Variants in RIOX1 observed in about 807,000 individuals in gnomAD.
RIOX1 encodes 60S ribosomal protein L8 histidine hydroxylase.
RIOX1 carries 33 observed loss-of-function variants against 44.6 expected under a neutral mutation model. The observed-to-expected ratio is 0.74, with a 90% confidence interval of 0.56 to 0.99. RIOX1 has a LOEUF of 0.99. Among genes scored for constraint, RIOX1 ranks in the 50% least tolerant of loss-of-function variants. The pLI, the probability that RIOX1 is intolerant of heterozygous loss-of-function variation, is 0.00. For synonymous variants in RIOX1, 387 were observed against 395.8 expected, an observed-to-expected ratio of 0.98 and a Z score of 0.26; for missense variants, 821 against 871.7, an observed-to-expected ratio of 0.94 and a Z score of 0.73.
rs1211954311 is a variant in RIOX1, at chr14:73,493,070, A to G, written c.*127A>G. The G allele has an allele frequency of 3.1e-6, 5 of 1,593,894 alleles. No individual in the cohort carries two copies. Among genetic ancestry groups the G allele is most frequent in the Non-Finnish European group, 4.2e-6 (5 of 1,176,628 alleles). ...CATCAGTGTGCTCACATTTACCTTT[A>G]TCACTGCTTCAGTGTCACAAACCTC... On this transcript the variant is annotated 3_prime_UTR_variant, in exon 1 of 1. Transcript: ENST00000304061.
rs1885810914 is a variant in RIOX1 at position 73,492,149 on chromosome 14, A to T, written c.1132A>T (p.Ser378Cys). Residue 378 changes from serine to cysteine, a missense_variant, in exon 1 of 1, where the codon AGT becomes TGT. By Grantham distance (112) the Ser-to-Cys change is moderately radical. Transcript: ENST00000304061. This position sits in a 1 kb window ranked among gnomAD's most constrained non-coding sequence, Gnocchi z 4.9. ...ELALTSSPNF[S>C]QDDLGEPVLQ... ...GGCTCTGACATCCAGCCCCAACTTC[A>T]GTCAGGACGACCTCGGTGAGCCGGT... 1 of 1,613,956 alleles carries T rather than the reference A, an allele frequency of 6.2e-7. No homozygotes were observed. Among genetic ancestry groups the T allele is most frequent in the Non-Finnish European group, 8.5e-7 (1 of 1,179,886 alleles).
rs1336124912 is a variant in RIOX1, at chr14:73,492,234, A to T, written c.1217A>T (p.Gln406Leu). ...TATTTTCCTCGGGGCTTCATTCACC[A>T]AGCTGAATGCCAGGATGGAGTCCAC... ...LLYFPRGFIHQAECQDGVHSL... is the reference protein window; with the variant it reads ...LLYFPRGFIHLAECQDGVHSL... Residue 406 changes from glutamine (Q) to leucine (L), a missense_variant, in exon 1 of 1, where the codon CAA becomes CTA. This residue lies in a region of RIOX1 where 267 missense variants were observed against 340.5 expected (regional missense o/e 0.78). Transcript: ENST00000304061. This position sits in a 1 kb window ranked among gnomAD's most constrained non-coding sequence, Gnocchi z 4.9. The T allele has an allele frequency of 6.2e-7, 1 of 1,613,968 alleles. No homozygotes were observed. Among genetic ancestry groups the T allele is most frequent in the Admixed American group, 1.7e-5 (1 of 60,018 alleles).
At position 73,492,634 on chromosome 14, in the gene RIOX1, G is replaced by C; in HGVS notation, c.1617G>C (p.Gly539=). Residue 539 remains glycine (G), a synonymous_variant, in exon 1 of 1, where the codon GGG becomes GGC. Coordinates refer to ENST00000304061, the MANE Select transcript of RIOX1 (RefSeq NM_024644.5). The surrounding 1 kb of genome is among the most constrained non-coding windows in gnomAD (Gnocchi z 4.9). ...RWEAGEPVNV[G]AQLTTETEVH... ...AGGCTGGAGAACCTGTAAACGTGGG[G>C]GCCCAGTTGACAACAGAAACAGAAG... 6.2e-7 allele frequency: 1 copy of C among 1,613,988 alleles called. No individual in the cohort carries two copies.
Position 73,492,361 on chromosome 14 carries a change from G to C in RIOX1, c.1344G>C (p.Val448=), listed in dbSNP as rs553099723. The C allele has an allele frequency of 6.2e-7, 1 of 1,613,910 alleles. No individual in the cohort carries two copies. The highest frequency in any genetic ancestry group is 1.1e-5 in the South Asian group (1 of 91,082). The change falls in exon 1 of 1, where the codon GTG becomes GTC. Residue 448 remains valine, a synonymous_variant. Coordinates refer to ENST00000304061, the MANE Select transcript of RIOX1 (RefSeq NM_024644.5). The surrounding 1 kb of genome is among the most constrained non-coding windows in gnomAD (Gnocchi z 4.9). ...LAVQAAMEEN[V]EFRRGLPRDF... is the part of the protein sequence containing the mutation. ...TGCAGGCTGCAATGGAAGAAAATGT[G>C]GAGTTTCGGAGGGGTCTGCCCCGAG...
Position 73,492,688 on chromosome 14 carries a change from G to T in RIOX1, c.1671G>T (p.Arg557=). 6.2e-7 allele frequency: 1 copy of T among 1,613,996 alleles called. No individual in the cohort carries two copies. The highest frequency in any genetic ancestry group is 8.5e-7 in the Non-Finnish European group (1 of 1,179,884). ...ATATGCTTCAGGATGGGATAGCTCG[G>T]CTGGTGGGTGAGGGGGGCCATTTGT... The part of the protein sequence containing the change: ...EVHMLQDGIA[R]LVGEGGHLFL... Residue 557 remains arginine (R), a synonymous_variant, in exon 1 of 1, where the codon CGG becomes CGT. Coordinates refer to ENST00000304061, the MANE Select transcript of RIOX1 (RefSeq NM_024644.5). This position sits in a 1 kb window ranked among gnomAD's most constrained non-coding sequence, Gnocchi z 4.9.
At position 73,490,998 on chromosome 14, in the gene RIOX1, A is replaced by G; in HGVS notation, c.-20A>G. On this transcript the variant is annotated 5_prime_UTR_variant, in exon 1 of 1. Transcript: ENST00000304061. ...TTCGCCCCCGGCCGGCCGGGCGGGG[A>G]AGACTGGTGTGGTCTGGCCATGGAT... 2 of 1,361,980 alleles carry G rather than the reference A, an allele frequency of 1.5e-6. No homozygotes were observed. The highest frequency in any genetic ancestry group is 2.9e-5 in the East Asian group (1 of 34,462). The allele number at this position is 1,361,980 out of a possible 1,614,324, so 84.4% of individuals were successfully genotyped here. A position where few individuals can be genotyped will look rare whatever the true frequency, so the allele number is the denominator to read the frequency against.
In RIOX1 at chr14:73,491,736, G is replaced by C; in HGVS notation, c.719G>C (p.Gly240Ala). Residue 240 changes from glycine to alanine, a missense_variant, in exon 1 of 1, where the codon GGA (glycine) becomes GCA (alanine). By Grantham distance (60) the Gly-to-Ala change is moderately conservative. Around this residue, in one of 2 missense-constraint regions of RIOX1, gnomAD observed 554 missense variants for 531.2 expected, o/e 1.04. Coordinates refer to ENST00000304061, the MANE Select transcript of RIOX1 (RefSeq NM_024644.5). ...VRRQDHTYYQ[G>A]LFSTADLDSM... ...CGGCAGGACCACACCTACTACCAGG[G>C]ACTTTTCTCTACCGCTGACCTGGAT... The C allele has an allele frequency of 6.4e-7, 1 of 1,554,332 alleles. No individual in the cohort carries two copies. Among genetic ancestry groups the C allele is most frequent in the Non-Finnish European group, 8.7e-7 (1 of 1,149,094 alleles).
Position 73,492,812 on chromosome 14 carries a change from C to A in RIOX1, c.1795C>A (p.Leu599Ile). The change falls in exon 1 of 1, where the codon CTT becomes ATT. Residue 599 changes from leucine to isoleucine, a missense_variant. Physicochemically the swap from Leu to Ile is conservative, Grantham distance 5. Around this residue, in one of 2 missense-constraint regions of RIOX1, gnomAD observed 267 missense variants for 340.5 expected, o/e 0.78. Transcript: ENST00000304061. This position sits in a 1 kb window ranked among gnomAD's most constrained non-coding sequence, Gnocchi z 4.9. Reference protein sequence around the residue: ...PQQADAMELLLGSYPEFVRVG... With the variant: ...PQQADAMELLIGSYPEFVRVG... Reference sequence around the variant, plus strand: ...GCAAGCTGATGCCATGGAACTGTTGCTTGGTTCTTATCCAGAGTTTGTGAG... The same window carrying A: ...GCAAGCTGATGCCATGGAACTGTTGATTGGTTCTTATCCAGAGTTTGTGAG... 2 of 1,613,956 alleles carry A rather than the reference C, an allele frequency of 1.2e-6. No homozygotes were observed. The highest frequency in any genetic ancestry group is 1.7e-6 in the Non-Finnish European group (2 of 1,179,900).
rs763958597 is a variant in RIOX1, at chr14:73,493,237, G to C, written c.*294G>C. 4 of 823,198 alleles carry C rather than the reference G, an allele frequency of 4.9e-6. No homozygotes were observed. Among genetic ancestry groups the C allele is most frequent in the Non-Finnish European group, 8.0e-6 (4 of 497,026 alleles). The allele number at this position is 823,198 out of a possible 1,614,324, so 51.0% of individuals were successfully genotyped here. ...AGGCTTCAGTGTACTGGGTAACACT[G>C]ACCATGTCGTTCTGCTTGAGACAGA... On this transcript the variant is annotated 3_prime_UTR_variant, in exon 1 of 1. Coordinates refer to ENST00000304061, the MANE Select transcript of RIOX1 (RefSeq NM_024644.5).
chr14:73,491,043 G>C lies in RIOX1; in HGVS notation c.26G>C (p.Gly9Ala). The change falls in exon 1 of 1, where the codon GGG becomes GCG. Residue 9 changes from glycine (G) to alanine (A), a missense_variant. Coordinates refer to ENST00000304061, the MANE Select transcript of RIOX1 (RefSeq NM_024644.5). The stretch of plus-strand genomic sequence containing the variant: ...ATGGATGGGCTCCAGGCCAGTGCAG[G>C]GCCGTTGAGGCGCGGGCGGCCGAAG... MDGLQASA[G>A]PLRRGRPKRR... The C allele has an allele frequency of 2.5e-6, 4 of 1,586,132 alleles. No individual in the cohort carries two copies. The East Asian group carries it at 9.2e-5, about 37-fold the overall frequency.
In RIOX1 at chr14:73,491,214, C is replaced by T; in HGVS notation, c.197C>T (p.Ser66Leu). ...QTLPSENSEE[S>L]RVESTADDLG... is the part of the protein sequence containing the mutation. ...CTGCCTAGCGAGAACTCGGAGGAAT[C>T]GAGGGTGGAGTCGACGGCCGACGAC... The change falls in exon 1 of 1, where the codon TCG becomes TTG. Residue 66 changes from serine (S) to leucine (L), a missense_variant. Physicochemically the swap from Ser to Leu is moderately radical, Grantham distance 145 (BLOSUM62 -2). Around this residue, in one of 2 missense-constraint regions of RIOX1, gnomAD observed 554 missense variants for 531.2 expected, o/e 1.04. Coordinates refer to ENST00000304061, the MANE Select transcript of RIOX1 (RefSeq NM_024644.5). The T allele has an allele frequency of 1.3e-6, 2 of 1,591,420 alleles. No homozygotes were observed. The highest frequency in any genetic ancestry group is 1.1e-5 in the South Asian group (1 of 88,080).
chr14:73,491,168 G>A lies in RIOX1; in HGVS notation c.151G>A (p.Ala51Thr). The A allele has an allele frequency of 6.2e-7, 1 of 1,602,812 alleles. No individual in the cohort carries two copies. ...KQLRSVVSRM[A>T]ALRTQTLPSE... The stretch of plus-strand genomic sequence containing the variant: ...GCTGCGAAGTGTTGTATCCCGCATG[G>A]CAGCGCTGAGGACGCAGACGCTGCC... The change falls in exon 1 of 1, where the codon GCA becomes ACA. Residue 51 changes from alanine to threonine, a missense_variant. This residue lies in a region of RIOX1 where 554 missense variants were observed against 531.2 expected (regional missense o/e 1.04). Transcript: ENST00000304061.
chr14:73,492,393 T>C lies in RIOX1; in HGVS notation c.1376T>C (p.Met459Thr). 2.5e-6 allele frequency: 4 copies of C among 1,613,742 alleles called. No homozygotes were observed. The highest frequency in any genetic ancestry group is 3.4e-6 in the Non-Finnish European group (4 of 1,179,738). The change falls in exon 1 of 1, where the codon ATG becomes ACG. Residue 459 changes from methionine to threonine, a missense_variant. Met to Thr is a moderately conservative substitution (Grantham distance 81). Around this residue, in one of 2 missense-constraint regions of RIOX1, gnomAD observed 267 missense variants for 340.5 expected, o/e 0.78. Coordinates refer to ENST00000304061, the MANE Select transcript of RIOX1 (RefSeq NM_024644.5). This position sits in a 1 kb window ranked among gnomAD's most constrained non-coding sequence, Gnocchi z 4.9. ...CGGAGGGGTCTGCCCCGAGACTTCA[T>C]GGATTACATGGGGGCCCAGCATTCA... The part of the protein sequence containing the change: ...EFRRGLPRDF[M>T]DYMGAQHSDS...
Position 73,492,029 on chromosome 14 carries a change from G to GC in RIOX1, c.1018dup (p.His340ProfsTer15), listed in dbSNP as rs1275295829. 1.9e-6 allele frequency: 3 copies of GC among 1,613,942 alleles called. No homozygotes were observed. The highest frequency in any genetic ancestry group is 1.7e-6 in the Non-Finnish European group (2 of 1,179,890). On this transcript the variant is annotated frameshift_variant, in exon 1 of 1. Transcript: ENST00000304061. LOFTEE classifies it high-confidence loss of function. The surrounding 1 kb of genome is among the most constrained non-coding windows in gnomAD (Gnocchi z 4.9). ...CACGCCCCCTAACTCGCAGGGCTTT[G>GC]CCCCCCACTACGACGACATCGAGGC...
At position 73,493,035 on chromosome 14, in the gene RIOX1, C is replaced by G. The variant is rs201162298; in HGVS notation, c.*92C>G. 7.4e-5 allele frequency: 116 copies of G among 1,558,620 alleles called. No homozygotes were observed. Among genetic ancestry groups the G allele is most frequent in the Non-Finnish European group, 9.9e-5 (114 of 1,151,812 alleles). ...TTTTTTCCTTAAACTCACGTTCTTA[C>G]CTTGATAAGCATCAGTGTGCTCACA... On this transcript the variant is annotated 3_prime_UTR_variant, in exon 1 of 1. Coordinates refer to ENST00000304061, the MANE Select transcript of RIOX1 (RefSeq NM_024644.5).
Position 73,492,599 on chromosome 14 carries a change from A to G in RIOX1, c.1582A>G (p.Ile528Val), listed in dbSNP as rs1174045755. The change falls in exon 1 of 1, where the codon ATT becomes GTT. Residue 528 changes from isoleucine (I) to valine (V), a missense_variant. Physicochemically the swap from Ile to Val is conservative, Grantham distance 29 (BLOSUM62 3). This residue lies in a region of RIOX1 where 267 missense variants were observed against 340.5 expected (regional missense o/e 0.78). Coordinates refer to ENST00000304061, the MANE Select transcript of RIOX1 (RefSeq NM_024644.5). The surrounding 1 kb of genome is among the most constrained non-coding windows in gnomAD (Gnocchi z 4.9). ...GGCACTAAGTGTTTACGGGCTTCCAATTCGCTGGGAGGCTGGAGAACCTGT... is the reference window on the plus strand; with the variant it reads ...GGCACTAAGTGTTTACGGGCTTCCAGTTCGCTGGGAGGCTGGAGAACCTGT... The part of the protein sequence containing the change: ...ERALSVYGLP[I>V]RWEAGEPVNV... 1.1e-5 allele frequency: 18 copies of G among 1,613,846 alleles called. No individual in the cohort carries two copies. The highest frequency in any genetic ancestry group is 1.6e-4 in the Middle Eastern group (1 of 6,084).
At position 73,491,718 on chromosome 14, in the gene RIOX1, A is replaced by G; in HGVS notation, c.701A>G (p.Asp234Gly). 6.4e-7 allele frequency: 1 copy of G among 1,551,264 alleles called. No homozygotes were observed. The highest frequency in any genetic ancestry group is 8.7e-7 in the Non-Finnish European group (1 of 1,147,430). Residue 234 changes from aspartate to glycine, a missense_variant, in exon 1 of 1, where the codon GAC becomes GGC. Transcript: ENST00000304061. ...GAGGCGGTGCTGGTGCGGCGGCAGGACCACACCTACTACCAGGGACTTTTC... is the reference window on the plus strand; with the variant it reads ...GAGGCGGTGCTGGTGCGGCGGCAGGGCCACACCTACTACCAGGGACTTTTC... ...EREAVLVRRQ[D>G]HTYYQGLFST...
rs761310682 is a variant in RIOX1 at position 73,492,969 on chromosome 14, G to A, written c.*26G>A. 1 of 1,605,970 alleles carries A rather than the reference G, an allele frequency of 6.2e-7. No individual in the cohort carries two copies. Among genetic ancestry groups the A allele is most frequent in the African/African-American group, 1.4e-5 (1 of 73,856 alleles). On this transcript the variant is annotated 3_prime_UTR_variant, in exon 1 of 1. Transcript: ENST00000304061. The surrounding 1 kb of genome is among the most constrained non-coding windows in gnomAD (Gnocchi z 4.9). The stretch of plus-strand genomic sequence containing the variant: ...TTTCTTGTTGATTGCTGGAAACAAG[G>A]CAGTAGTGATTCTCCGCTGCCACTG...
In RIOX1 at chr14:73,492,024, G is replaced by A. The variant is rs756770892; in HGVS notation, c.1007G>A (p.Gly336Asp). The A allele has an allele frequency of 1.2e-6, 2 of 1,614,016 alleles. No homozygotes were observed. The highest frequency in any genetic ancestry group is 2.2e-5 in the South Asian group (2 of 91,086). Residue 336 changes from glycine to aspartate, a missense_variant, in exon 1 of 1, where the codon GGC becomes GAC. Gly to Asp is a moderately conservative substitution (Grantham distance 94). This residue lies in a region of RIOX1 where 554 missense variants were observed against 531.2 expected (regional missense o/e 1.04). Coordinates refer to ENST00000304061, the MANE Select transcript of RIOX1 (RefSeq NM_024644.5). The surrounding 1 kb of genome is among the most constrained non-coding windows in gnomAD (Gnocchi z 4.9). ...TACCTCACGCCCCCTAACTCGCAGG[G>A]CTTTGCCCCCCACTACGACGACATC... Reference protein sequence around the residue: ...NVYLTPPNSQGFAPHYDDIEA... With the variant: ...NVYLTPPNSQDFAPHYDDIEA...
Sources: gnomAD v4.1 joint callset for allele counts on GRCh38, gnomAD v4.1.1 for gene constraint, gnomAD v4.1.1 regional missense constraint, Gnocchi (gnomAD v3.1) non-coding constraint, MANE v1.5 for transcripts, NCBI Gene and HGNC (gene_info 2026-07-23, HGNC 2026-07-21) for gene names.